TGFA: variants seen among roughly 807,000 people sequenced by gnomAD.
The protein encoded by TGFA is transforming growth factor alpha.
TGFA carries 12 observed loss-of-function variants against 21.7 expected under a neutral mutation model. The observed-to-expected ratio is 0.55, with a 90% CI of 0.35 to 0.90. The LOEUF (loss-of-function observed/expected upper bound fraction) is 0.90. Among genes scored for constraint, TGFA ranks in the 40% least tolerant of loss-of-function variants. The pLI is 0.01. For missense variants in TGFA, 178 were observed against 210.8 expected, an observed-to-expected ratio of 0.84 and a Z score of 0.96; for synonymous variants, 79 against 88.1, an observed-to-expected ratio of 0.90 and a Z score of 0.58.
intron 2 of TGFA, among the ~76,000 whole-genome samples, chr2:70,482,628 T>C (rs1671158429): frequency 6.6e-6 from 1 of 152,240 alleles, no homozygotes; most frequent in South Asian, 2.1e-4. Context: ...TCATTACTCT[T>C]AACCTAAATA....
At chr2:70,553,639 G>A (rs1179748371) in intron 1 of TGFA, 89 bp downstream of exon 1, 45 of 1,306,750 alleles carry the variant, frequency 3.4e-5, no homozygotes, top group Non-Finnish European at 4.1e-5. Context: ...CCAGGCGGGC[G>A]CAGAAACCCC....
intron 1 of TGFA, among the ~76,000 whole-genome samples, chr2:70,522,597 C>G (rs449409): frequency 0.22 from 33,821 of 151,940 alleles, 4,024 homozygotes; most frequent in South Asian, 0.31. Flanking sequence ...TCACACCCGG[C>G]TAATTTTTTA....
intron 1 of TGFA, among the ~76,000 whole-genome samples, chr2:70,525,229 C>T (rs899881128): frequency 6.6e-6 from 1 of 152,180 alleles, no homozygotes; most frequent in South Asian, 2.1e-4. Flanking sequence ...CTGGACACCC[C>T]GGAACCACCC....
At chr2:70,551,689 G>T (rs1291290119) in intron 1 of TGFA, among the ~76,000 whole-genome samples, 6 of 150,662 alleles carry the variant, frequency 4.0e-5, no homozygotes, top group Non-Finnish European at 8.9e-5. Context: ...GTCCTCACTG[G>T]TGTAAATTAC....
intron 1 of TGFA, among the ~76,000 whole-genome samples, chr2:70,533,330 AC>A (rs1317191809): frequency 6.8e-6 from 1 of 147,600 alleles, no homozygotes; most frequent in Admixed American, 6.8e-5. Context: ...CCCTACCCCC[AC>A]CCCCCAACAC....
At chr2:70,532,632 G>T (rs1553503839) in intron 1 of TGFA, among the ~76,000 whole-genome samples, 1 of 152,310 alleles carries the variant, frequency 6.6e-6, no homozygotes, top group Middle Eastern at 3.4e-3. Context: ...ACATACACTA[G>T]GCTCCTACGC....
intron 2 of TGFA, among the ~76,000 whole-genome samples, chr2:70,513,172 C>T (rs1220862845): frequency 6.6e-6 from 1 of 152,106 alleles, no homozygotes; most frequent in Non-Finnish European, 1.5e-5. Context: ...GGCCCAGTGT[C>T]CAGGTTCTCT....
At position 70,453,211 on chromosome 2, in the gene TGFA, TCCTTAC is replaced by T; in HGVS notation, c.475+1_475+6del. 1 of 1,612,742 alleles carries T rather than the reference TCCTTAC, an allele frequency of 6.2e-7. No homozygotes were observed. Among genetic ancestry groups the T allele is most frequent in the Non-Finnish European group, 8.5e-7 (1 of 1,178,876 alleles). On this transcript the variant is annotated splice_donor_variant and splice_donor_5th_base_variant and intron_variant, in intron 5 of 5. Coordinates refer to ENST00000295400, the MANE Select transcript of TGFA (RefSeq NM_003236.4). LOFTEE classifies it high-confidence loss of function. ...TAGTGTCTCCCACCAGAGAAGAGTC[TCCTTAC>T]CTGTTTCTGAGTGGCAGCAAGCGGT... is the stretch of plus-strand genomic sequence containing the variant.
chr2:70,542,679 A>G (rs1430276905), intron 1 of TGFA, among the ~76,000 whole-genome samples: 1 of 152,216 alleles, frequency 6.6e-6, no homozygotes, highest in Non-Finnish European at 1.5e-5. Flanking sequence ...GATGCTGCTC[A>G]GCAGCCTCAG....
chr2:70,490,510 T>A (rs1671400907), intron 2 of TGFA, among the ~76,000 whole-genome samples: 1 of 152,252 alleles, frequency 6.6e-6, no homozygotes, highest in South Asian at 2.1e-4. Context: ...TGGAAGTTCT[T>A]GTGTTCACTT....
intron 2 of TGFA, among the ~76,000 whole-genome samples, chr2:70,500,091 G>T (rs1671690932): frequency 6.6e-6 from 1 of 152,130 alleles, no homozygotes; most frequent in African/African-American, 2.4e-5. Flanking sequence ...TTCACTATAT[G>T]GTATATGGTA....
intron 1 of TGFA, among the ~76,000 whole-genome samples, chr2:70,551,073 C>G (rs62151611): frequency 0.45 from 67,795 of 151,866 alleles, 15,622 homozygotes; most frequent in East Asian, 0.6. Context: ...GTAACAACAA[C>G]AATGATGATG....
At chr2:70,504,461 T>TATATATATAC (rs1490288034) in intron 2 of TGFA, among the ~76,000 whole-genome samples, 4 of 65,166 alleles carry the variant, frequency 6.1e-5, no homozygotes, top group African/African-American at 4.1e-4. Context: ...TATATATATA[T>TATATATATAC]ATACACACAT....
At position 70,452,065 on chromosome 2, in the gene TGFA, C is replaced by A. The variant is rs72910005; in HGVS notation, c.475+1153G>T. On this transcript the variant is annotated intron_variant, in intron 5 of 5. Transcript: ENST00000295400. The stretch of plus-strand genomic sequence containing the variant: ...TGGGGCTTCAGCTCCCTCCAGATGA[C>A]CATGAGCTCTAATGAATGCACATGT... Among the ~76,000 whole-genome samples the A allele has an allele frequency of 2.2e-3, 335 of 152,302 alleles. 2 individuals carry two copies. Among genetic ancestry groups the A allele is most frequent in the African/African-American group, 7.9e-3 (327 of 41,562 alleles).
At chr2:70,550,830 A>C (rs1332676831) in intron 1 of TGFA, among the ~76,000 whole-genome samples, 1 of 152,256 alleles carries the variant, frequency 6.6e-6, no homozygotes, top group Non-Finnish European at 1.5e-5. Flanking sequence ...CAAAAAACAA[A>C]AAACCAAAAA....
At chr2:70,451,898 G>A in intron 5 of TGFA, 1 of 620,938 alleles carries the variant, frequency 1.6e-6, no homozygotes, top group Non-Finnish European at 2.9e-6. Context: ...CTCTTCCTAA[G>A]ACCACTGTAA....
At position 70,456,352 on chromosome 2, in the gene TGFA, A is replaced by G. The variant is rs1553490518; in HGVS notation, c.352T>C (p.Cys118Arg). Residue 118 changes from cysteine to arginine, a missense_variant, in exon 4 of 6, where the codon TGT (cysteine) becomes CGT (arginine). By Grantham distance (180) the Cys-to-Arg change is radical. Coordinates refer to ENST00000295400, the MANE Select transcript of TGFA (RefSeq NM_003236.4). The stretch of plus-strand genomic sequence containing the variant: ...GCAAGTACTCACTGTATCAGCACAC[A>G]TGTGATGATAAGGACAGCCAGGGCC... ...IVALAVLIIT[C>R]VLIHCCQVRK... 3 of 1,559,286 alleles carry G rather than the reference A, an allele frequency of 1.9e-6. No individual in the cohort carries two copies. Among genetic ancestry groups the G allele is most frequent in the Non-Finnish European group, 2.6e-6 (3 of 1,151,118 alleles).
In TGFA at chr2:70,481,768, A is replaced by C. The variant is rs79863054; in HGVS notation, c.95-16032T>G. On this transcript the variant is annotated intron_variant, in intron 2 of 5. Coordinates refer to ENST00000295400, the MANE Select transcript of TGFA (RefSeq NM_003236.4). Reference sequence around the variant, plus strand: ...TCACTCTGGAGGAAGCTAGTTGCTAAGTCATTGAGACACACAATGGAGAGG... The same window carrying C: ...TCACTCTGGAGGAAGCTAGTTGCTACGTCATTGAGACACACAATGGAGAGG... 8.3e-3 allele frequency among the ~76,000 whole-genome samples: 1,267 copies of C among 152,344 alleles called. 45 individuals are homozygous for C. Among genetic ancestry groups the C allele is most frequent in the East Asian group, 0.079 (411 of 5,190 alleles).
chr2:70,465,473 C>T (rs903325969), intron 3 of TGFA, 143 bp downstream of exon 3: 2 of 1,072,376 alleles, frequency 1.9e-6, no homozygotes, highest in South Asian at 2.0e-5. Flanking sequence ...AGGTGTCCCT[C>T]AGCCCCACTG....
Sources: allele counts gnomAD v4.1 joint callset (sites outside exome capture counted in the v4.1 genomes callset), GRCh38; gene constraint gnomAD v4.1.1; transcripts MANE v1.5; gene names NCBI Gene and HGNC (gene_info 2026-07-23, HGNC 2026-07-21).